FRMD5: variants seen among roughly 807,000 people sequenced by gnomAD.
FRMD5 encodes FERM domain-containing protein 5.
Under a neutral mutation model 69.0 loss-of-function variants are expected in FRMD5, and 20 were observed. The observed-to-expected ratio is 0.29, with a 90% CI of 0.20 to 0.42. The LOEUF (loss-of-function observed/expected upper bound fraction) is 0.42. Ranked by LOEUF, FRMD5 falls within the 10% of genes least tolerant of loss-of-function variation. FRMD5 has a pLI of 1.00. For missense variants in FRMD5, 595 were observed against 708.6 expected (o/e 0.84, Z 1.82); for synonymous variants, 271 against 260.1 (o/e 1.04, Z -0.40).
At chr15:43,939,141 G>A (rs975363936) in intron 1 of FRMD5, among the ~76,000 whole-genome samples, 1 of 152,052 alleles carries the variant, frequency 6.6e-6, no homozygotes, top group African/African-American at 2.4e-5. Context: ...AAAGTGCTAG[G>A]ATTACAGGTG....
At chr15:44,146,232 TGTAA>T (rs1388532890) in intron 1 of FRMD5, among the ~76,000 whole-genome samples, 4 of 152,146 alleles carry the variant, frequency 2.6e-5, no homozygotes, top group Non-Finnish European at 5.9e-5. Flanking sequence ...GGCTCTCACT[TGTAA>T]GTGAGAACAT....
intron 1 of FRMD5, among the ~76,000 whole-genome samples, chr15:44,113,802 TA>T (rs2076832363): frequency 6.6e-6 from 1 of 152,290 alleles, no homozygotes; most frequent in South Asian, 2.1e-4. Context: ...TCTTTGTTTT[TA>T]AAAATGGGAA....
At chr15:44,153,281 A>T (rs575750222) in intron 1 of FRMD5, among the ~76,000 whole-genome samples, 4 of 152,356 alleles carry the variant, frequency 2.6e-5, no homozygotes, top group East Asian at 3.9e-4. Context: ...TCACAGCAGC[A>T]TTATTCACAA....
chr15:44,085,914 A>G (rs1043762481), intron 1 of FRMD5, among the ~76,000 whole-genome samples: 1 of 152,084 alleles, frequency 6.6e-6, no homozygotes. Flanking sequence ...AAGACATTAA[A>G]TAATTTGCCC....
intron 1 of FRMD5, among the ~76,000 whole-genome samples, chr15:44,072,960 T>C (rs1203219805): frequency 3.3e-5 from 5 of 152,078 alleles, no homozygotes; most frequent in African/African-American, 1.2e-4. Context: ...TAAGACCCCA[T>C]CTCAATTTTT....
At chr15:44,148,726 T>C (rs2077397539) in intron 1 of FRMD5, among the ~76,000 whole-genome samples, 2 of 152,238 alleles carry the variant, frequency 1.3e-5, no homozygotes, top group Non-Finnish European at 2.9e-5. Flanking sequence ...AAAGGCATAA[T>C]GCTATCGCAC....
Position 43,987,206 on chromosome 15 carries a change from T to C in FRMD5, c.103-62897A>G, listed in dbSNP as rs569662668. On this transcript the variant is annotated intron_variant, in intron 1 of 13. Coordinates refer to ENST00000417257, the MANE Select transcript of FRMD5 (RefSeq NM_032892.5). ...TGTTCAAGTGAAAGGAAGAGTCACA[T>C]GTCTCTAACTTTAAATCAAAACCTA... is the stretch of plus-strand genomic sequence containing the variant. Among the ~76,000 whole-genome samples the C allele has an allele frequency of 5.3e-5, 8 of 152,326 alleles. No homozygotes were observed. The South Asian group carries it at 1.7e-3, about 32-fold the overall frequency.
intron 1 of FRMD5, among the ~76,000 whole-genome samples, chr15:43,984,398 G>C (rs576915806): frequency 1.3e-5 from 2 of 152,332 alleles, no homozygotes; most frequent in East Asian, 1.9e-4. Context: ...GCCCCCAGTG[G>C]ACAGCAGCTT....
Position 43,874,152 on chromosome 15 carries a change from CAG to C in FRMD5, c.1444_1445del (p.Leu482ValfsTer14). On this transcript the variant is annotated frameshift_variant, in exon 14 of 14. Coordinates refer to ENST00000417257, the MANE Select transcript of FRMD5 (RefSeq NM_032892.5). LOFTEE classifies it high-confidence loss of function. ...VEALGGELRA[L>X]CQGHSGPEEE... ...CCTCGGGCCCGCTGTGCCCCTGACA[CAG>C]GGCCCTCAGCTCTCCCCCAAGGGCC... 6.2e-7 allele frequency: 1 copy of C among 1,614,226 alleles called. No individual in the cohort carries two copies. The highest frequency in any genetic ancestry group is 8.5e-7 in the Non-Finnish European group (1 of 1,180,046).
At chr15:43,888,387 G>C in intron 9 of FRMD5, 121 bp from the exon 10 acceptor site, 1 of 668,570 alleles carries the variant, frequency 1.5e-6, no homozygotes, top group South Asian at 1.8e-5. Context: ...AGAGGGGAGG[G>C]CCTGTGGGAC....
At chr15:43,936,263 G>A (rs754223054) in intron 1 of FRMD5, among the ~76,000 whole-genome samples, 4 of 152,138 alleles carry the variant, frequency 2.6e-5, no homozygotes, top group African/African-American at 7.2e-5. Context: ...CACAATCACC[G>A]CTCACTGTAG....
At chr15:44,080,023 T>C (rs1342529249) in intron 1 of FRMD5, among the ~76,000 whole-genome samples, 1 of 152,110 alleles carries the variant, frequency 6.6e-6, no homozygotes, top group Non-Finnish European at 1.5e-5. Context: ...TGGGGATGAA[T>C]GGCAGTGATG....
At chr15:43,919,264 A>G in intron 4 of FRMD5, 195 bp downstream of exon 4, 1 of 733,578 alleles carries the variant, frequency 1.4e-6, no homozygotes, top group Middle Eastern at 2.3e-4. Flanking sequence ...AAAGAAGTCC[A>G]CTCTGTTGCG....
chr15:44,159,599 G>C (rs971328113), intron 1 of FRMD5, among the ~76,000 whole-genome samples: 5 of 152,164 alleles, frequency 3.3e-5, no homozygotes, highest in Admixed American at 6.5e-5. Flanking sequence ...TTTTGTGCTT[G>C]AGCAATCAAG....
chr15:43,951,056 C>T (rs1404535229), intron 1 of FRMD5, among the ~76,000 whole-genome samples: 1 of 152,184 alleles, frequency 6.6e-6, no homozygotes, highest in East Asian at 1.9e-4. Context: ...TTAGCATATG[C>T]ATCACCTGAA....
chr15:43,893,780 C>G (rs2088851639), intron 7 of FRMD5, among the ~76,000 whole-genome samples: 1 of 152,178 alleles, frequency 6.6e-6, no homozygotes, highest in Non-Finnish European at 1.5e-5. Flanking sequence ...CTCCCTGACA[C>G]AGATTCTCAG....
At chr15:43,982,809 G>A (rs1250744909) in intron 1 of FRMD5, among the ~76,000 whole-genome samples, 1 of 152,030 alleles carries the variant, frequency 6.6e-6, no homozygotes, top group African/African-American at 2.4e-5. Flanking sequence ...AAGAACAGAA[G>A]GTATCTTTTT....
At chr15:43,907,793 A>C (rs2089208431) in intron 5 of FRMD5, among the ~76,000 whole-genome samples, 1 of 152,080 alleles carries the variant, frequency 6.6e-6, no homozygotes, top group Non-Finnish European at 1.5e-5. Context: ...GGCGTGAGCC[A>C]CCGTGCCAGG....
chr15:43,950,819 G>A (rs1172474323), intron 1 of FRMD5, among the ~76,000 whole-genome samples: 1 of 152,194 alleles, frequency 6.6e-6, no homozygotes, highest in Admixed American at 6.5e-5. Context: ...GAGGCTGGCT[G>A]TTTAACAGTT....
Sources: allele counts gnomAD v4.1 joint callset (sites outside exome capture counted in the v4.1 genomes callset), GRCh38; gene constraint gnomAD v4.1.1; transcripts MANE v1.5; gene names NCBI Gene and HGNC (gene_info 2026-07-23, HGNC 2026-07-21).